Variants in ZNF652 observed in about 807,000 individuals in gnomAD.
ZNF652 encodes zinc finger protein 652.
A neutral mutation model predicts 45.2 loss-of-function variants in ZNF652; 16 were observed. The observed-to-expected ratio is 0.35, with a 90% confidence interval of 0.24 to 0.54. The LOEUF (loss-of-function observed/expected upper bound fraction) is 0.54. ZNF652 is among the 20% of genes least tolerant of loss of function. ZNF652 has a pLI of 0.91. For missense variants in ZNF652, 614 were observed against 765.6 expected, an observed-to-expected ratio of 0.80 and a Z score of 2.34; for synonymous variants, 250 against 260.6, an observed-to-expected ratio of 0.96 and a Z score of 0.39.
Position 49,298,615 on chromosome 17 carries a change from G to A in ZNF652, c.1619C>T (p.Pro540Leu), listed in dbSNP as rs756628821. 1 of 1,613,458 alleles carries A rather than the reference G, an allele frequency of 6.2e-7. No homozygotes were observed. The highest frequency in any genetic ancestry group is 1.1e-5 in the South Asian group (1 of 91,046). The change falls in exon 6 of 6, where the codon CCT (proline) becomes CTT (leucine). Residue 540 changes from proline to leucine, a missense_variant. Coordinates refer to ENST00000430262, the MANE Select transcript of ZNF652 (RefSeq NM_001145365.3). ...TGAGAAGGGGTGGGGGATGGGCCGA[G>A]GGGGAAGAGTGCTTACAGGATTCAT... ...INMNPVSTLP[P>L]RPIPHPFSHL... is the part of the protein sequence containing the mutation.
At chr17:49,308,070 T>C (rs769400827) in intron 5 of ZNF652, among the ~76,000 whole-genome samples, 2 of 152,204 alleles carry the variant, frequency 1.3e-5, no homozygotes, top group Admixed American at 6.6e-5. Context: ...TTTTTTTTAA[T>C]GTGTATATGC....
At chr17:49,307,678 G>T (rs1253523459) in intron 5 of ZNF652, among the ~76,000 whole-genome samples, 1 of 151,930 alleles carries the variant, frequency 6.6e-6, no homozygotes, top group Non-Finnish European at 1.5e-5. Context: ...CTTGAACATG[G>T]GAGGCAGAGG....
chr17:49,299,022 A>T (rs1026983612), intron 5 of ZNF652, 98 bp from the exon 6 acceptor site: 40 of 1,309,128 alleles, frequency 3.1e-5, no homozygotes, highest in Non-Finnish European at 4.0e-5. Context: ...CACTATGTTG[A>T]TCAGGCTGGT....
intron 1 of ZNF652, among the ~76,000 whole-genome samples, chr17:49,320,604 G>GA: frequency 1.3e-5 from 2 of 152,086 alleles, no homozygotes; most frequent in Non-Finnish European, 2.9e-5. Flanking sequence ...TTTTAAGTAG[G>GA]AAAATCCTAG....
intron 1 of ZNF652, among the ~76,000 whole-genome samples, chr17:49,336,323 CTTTT>C (rs771233496): frequency 4.0e-5 from 5 of 123,596 alleles, no homozygotes; most frequent in African/African-American, 6.2e-5. Context: ...ATGCCCAGCC[CTTTT>C]TTTTTTTTTT....
rs779327874 is a variant in ZNF652, at chr17:49,312,058, T to C, written c.1049-16A>G. ...TTTGTGTGTGCTGCAACACAGAATG[T>C]ACTTAGTGTCAAAACAAAATCCACC... On this transcript the variant is annotated splice_polypyrimidine_tract_variant and intron_variant, in intron 3 of 5. Coordinates refer to ENST00000430262, the MANE Select transcript of ZNF652 (RefSeq NM_001145365.3). The C allele has an allele frequency of 2.5e-6, 4 of 1,586,418 alleles. No homozygotes were observed. The South Asian group carries it at 4.5e-5, about 18-fold the overall frequency.
At position 49,296,051 on chromosome 17, in the gene ZNF652, A is replaced by G. The variant is rs1437819846; in HGVS notation, c.*2362T>C. Reference sequence around the variant, plus strand: ...ATACTACAGGCTTGACCATGAAATAATGATATGTCTATATAAAAGTGTAGG... The same window carrying G: ...ATACTACAGGCTTGACCATGAAATAGTGATATGTCTATATAAAAGTGTAGG... On this transcript the variant is annotated 3_prime_UTR_variant, in exon 6 of 6. Transcript: ENST00000430262. 1.3e-5 allele frequency: 2 copies of G among 152,118 alleles called. No homozygotes were observed. The highest frequency in any genetic ancestry group is 3.8e-4 in the East Asian group (2 of 5,204). 9.4% of individuals were successfully genotyped at this position (152,118 alleles called of 1,614,324 possible). A position where few individuals can be genotyped will look rare whatever the true frequency, so the allele number is the denominator to read the frequency against.
At chr17:49,340,570 A>G (rs1166150684) in intron 1 of ZNF652, among the ~76,000 whole-genome samples, 1 of 119,442 alleles carries the variant, frequency 8.4e-6, no homozygotes, top group Admixed American at 8.0e-5. Context: ...AAAAAAAAAA[A>G]AGAAAGAAAG....
intron 5 of ZNF652, among the ~76,000 whole-genome samples, chr17:49,303,269 C>T (rs1321837586): frequency 2.9e-5 from 1 of 34,618 alleles, no homozygotes; most frequent in Non-Finnish European, 4.7e-5. Context: ...GAGACAGGGT[C>T]TCATTCTGTC....
intron 3 of ZNF652, 41 bp from the exon 4 acceptor site, chr17:49,312,083 C>A (rs769309676): frequency 4.7e-6 from 7 of 1,473,876 alleles, no homozygotes; most frequent in Non-Finnish European, 6.5e-6. Context: ...CAAAATCCAC[C>A]AAAAAGCTCA....
At chr17:49,333,545 T>TGAAAAAAAA (rs1453658365) in intron 1 of ZNF652, among the ~76,000 whole-genome samples, 12 of 48,114 alleles carry the variant, frequency 2.5e-4, no homozygotes, top group Non-Finnish European at 3.7e-4. Flanking sequence ...CTGTCTCTAC[T>TGAAAAAAAA]AAAAAAAAAA....
chr17:49,361,887 G>C (rs1220938334), intron 1 of ZNF652, 22 bp downstream of exon 1: 2 of 150,742 alleles, frequency 1.3e-5, no homozygotes, highest in Non-Finnish European at 3.0e-5. Context: ...GCGAGTGCGT[G>C]GGGGAAGGGG....
Position 49,308,111 on chromosome 17 carries a change from G to C in ZNF652, c.1309+3201C>G, listed in dbSNP as rs539396391. 3.9e-5 allele frequency among the ~76,000 whole-genome samples: 6 copies of C among 151,902 alleles called. No individual in the cohort carries two copies. The East Asian group carries it at 9.7e-4, about 24-fold the overall frequency. ...TGTTAAGAGTGGTGATCTCTTGGTG[G>C]TATGATTTTACTTTGTTTGCAATTT... is the stretch of plus-strand genomic sequence containing the variant. On this transcript the variant is annotated intron_variant, in intron 5 of 5. Coordinates refer to ENST00000430262, the MANE Select transcript of ZNF652 (RefSeq NM_001145365.3).
chr17:49,317,834 T>G lies in ZNF652; in HGVS notation c.-109A>C, dbSNP rs1455312855. Reference sequence around the variant, plus strand: ...TCTCATCCACAAAGAATCACTCAAATGAAAAAAAGATATTCCTGGAAACTG... The same window carrying G: ...TCTCATCCACAAAGAATCACTCAAAGGAAAAAAAGATATTCCTGGAAACTG... On this transcript the variant is annotated 5_prime_UTR_variant, in exon 2 of 6. Coordinates refer to ENST00000430262, the MANE Select transcript of ZNF652 (RefSeq NM_001145365.3). The G allele has an allele frequency of 8.5e-7, 1 of 1,180,288 alleles. No homozygotes were observed. Among genetic ancestry groups the G allele is most frequent in the Non-Finnish European group, 1.1e-6 (1 of 874,164 alleles). The allele number at this position is 1,180,288 out of a possible 1,614,324, so 73.1% of individuals were successfully genotyped here.
rs2069441415 is a variant in ZNF652, at chr17:49,294,185, A to G, written c.*4228T>C. ...AAAAATTTCAAGAATTAAAAAATTCATAGTTTATAAGCATCTCATCAGAGC... is the reference window on the plus strand; with the variant it reads ...AAAAATTTCAAGAATTAAAAAATTCGTAGTTTATAAGCATCTCATCAGAGC... On this transcript the variant is annotated 3_prime_UTR_variant, in exon 6 of 6. Coordinates refer to ENST00000430262, the MANE Select transcript of ZNF652 (RefSeq NM_001145365.3). Among the ~76,000 whole-genome samples, 1 of 152,216 alleles carries G rather than the reference A, an allele frequency of 6.6e-6. No homozygotes were observed. The highest frequency in any genetic ancestry group is 1.5e-5 in the Non-Finnish European group (1 of 68,020).
intron 4 of ZNF652, 121 bp from the exon 5 acceptor site, chr17:49,311,577 C>T (rs2069712457): frequency 8.9e-7 from 1 of 1,123,924 alleles, no homozygotes; most frequent in Non-Finnish European, 1.2e-6. Context: ...CTGCTTGTGT[C>T]AGCTATTTGG....
chr17:49,353,129 T>C (rs908345667), intron 1 of ZNF652, among the ~76,000 whole-genome samples: 16 of 152,184 alleles, frequency 1.1e-4, no homozygotes, highest in Non-Finnish European at 1.6e-4. Flanking sequence ...ATTTAAAAAA[T>C]AAATTATTTA....
rs1328846646 is a variant in ZNF652 at position 49,290,318 on chromosome 17, A to G, written c.*8095T>C. ...TGAAGATGCTGCTGCAATAAGCACA[A>G]ACAGAACTCATGGCCAGAGAGCTGA... is the stretch of plus-strand genomic sequence containing the variant. On this transcript the variant is annotated 3_prime_UTR_variant, in exon 6 of 6. Coordinates refer to ENST00000430262, the MANE Select transcript of ZNF652 (RefSeq NM_001145365.3). 1.3e-5 allele frequency: 2 copies of G among 152,272 alleles called. No homozygotes were observed. The highest frequency in any genetic ancestry group is 2.9e-5 in the Non-Finnish European group (2 of 68,094). 9.4% of individuals were successfully genotyped at this position (152,272 alleles called of 1,614,324 possible). A position where few individuals can be genotyped will look rare whatever the true frequency, so the allele number is the denominator to read the frequency against.
At chr17:49,312,079 C>T in intron 3 of ZNF652, 37 bp from the exon 4 acceptor site, 2 of 1,525,590 alleles carry the variant, frequency 1.3e-6, no homozygotes, top group Non-Finnish European at 1.8e-6. Context: ...AAAACAAAAT[C>T]CACCAAAAAG....
Sources: allele counts gnomAD v4.1 joint callset (sites outside exome capture counted in the v4.1 genomes callset), GRCh38; gene constraint gnomAD v4.1.1; transcripts MANE v1.5; gene names NCBI Gene and HGNC (gene_info 2026-07-23, HGNC 2026-07-21).